The following ZFYVE27 variants were observed in gnomAD, a reference collection of about 807,000 sequenced individuals.
The protein encoded by ZFYVE27 is zinc finger FYVE-type containing 27, also known as protrudin.
A neutral mutation model predicts 52.8 loss-of-function variants in ZFYVE27; 36 were observed. That is an observed-to-expected ratio of 0.68 (90% CI 0.52 to 0.90). ZFYVE27 has a LOEUF of 0.90. ZFYVE27 is among the 40% of genes least tolerant of loss of function. The pLI is 0.00. For synonymous variants in ZFYVE27, 223 were observed against 215.6 expected, an observed-to-expected ratio of 1.03 and a Z score of -0.30; for missense variants, 450 against 527.2, an observed-to-expected ratio of 0.85 and a Z score of 1.43.
At chr10:97,748,799 T>C (rs1010796949) in intron 5 of ZFYVE27, among the ~76,000 whole-genome samples, 23 of 152,358 alleles carry the variant, frequency 1.5e-4, no homozygotes, top group Middle Eastern at 3.4e-3. Context: ...AGATGGCAAA[T>C]ATAATTTGTG....
At position 97,759,445 on chromosome 10, in the gene ZFYVE27, TC is replaced by T; in HGVS notation, c.*147del. 1.2e-6 allele frequency: 1 copy of T among 817,770 alleles called. No individual in the cohort carries two copies. Among genetic ancestry groups the T allele is most frequent in the African/African-American group, 1.7e-5 (1 of 59,202 alleles). The allele number at this position is 817,770 out of a possible 1,614,324, so 50.7% of individuals were successfully genotyped here. The stretch of plus-strand genomic sequence containing the variant: ...GGCTTCCCCTTCCTTCCTCACTCTC[TC>T]CAGCTGGATTCTGGAGCTGTTCTCC... On this transcript the variant is annotated 3_prime_UTR_variant, in exon 13 of 13. Coordinates refer to ENST00000684270, the MANE Select transcript of ZFYVE27 (RefSeq NM_001385875.1).
intron 12 of ZFYVE27, chr10:97,758,077 C>T: frequency 5.5e-6 from 1 of 182,758 alleles, no homozygotes; most frequent in Admixed American, 5.8e-5. Context: ...ATTTCCTTGG[C>T]ACTTTGAACA....
chr10:97,756,949 A>T (rs552677122), intron 10 of ZFYVE27, among the ~76,000 whole-genome samples: 29 of 152,294 alleles, frequency 1.9e-4, no homozygotes, highest in African/African-American at 7.0e-4. Flanking sequence ...CTGCCAGCTT[A>T]GCTGGCTTTC....
chr10:97,757,036 A>G (rs937778387), intron 10 of ZFYVE27, among the ~76,000 whole-genome samples: 1 of 152,190 alleles, frequency 6.6e-6, no homozygotes, highest in Non-Finnish European at 1.5e-5. Context: ...GGAAGGGTTC[A>G]GGGACTGGTA....
chr10:97,746,656 TTTC>T (rs1386879873), intron 4 of ZFYVE27, among the ~76,000 whole-genome samples: 4 of 152,012 alleles, frequency 2.6e-5, no homozygotes, highest in Admixed American at 1.3e-4. Context: ...TAAAGTTCTT[TTTC>T]TTCTTTTATT....
At chr10:97,742,586 C>T (rs1260734600) in intron 2 of ZFYVE27, among the ~76,000 whole-genome samples, 2 of 152,152 alleles carry the variant, frequency 1.3e-5, no homozygotes, top group African/African-American at 4.8e-5. Flanking sequence ...AATAAACTCT[C>T]AGATAAACTC....
At chr10:97,750,072 T>C in intron 6 of ZFYVE27, 1 of 513,866 alleles carries the variant, frequency 1.9e-6, no homozygotes, top group Non-Finnish European at 3.5e-6. Flanking sequence ...TTCCTCCCTG[T>C]GGTAGAGTTA....
chr10:97,752,951 G>T (rs888607817), intron 9 of ZFYVE27, 74 bp downstream of exon 9: 7 of 1,612,786 alleles, frequency 4.3e-6, no homozygotes, highest in African/African-American at 2.7e-5. Flanking sequence ...GCCACACCTC[G>T]TGGGGGCTGC....
chr10:97,738,724 G>T (rs751057983), intron 2 of ZFYVE27, 50 bp downstream of exon 2: 2 of 1,603,722 alleles, frequency 1.2e-6, no homozygotes, highest in Non-Finnish European at 8.5e-7. Flanking sequence ...CTGCCGTCCT[G>T]CTCTGTAGTA....
chr10:97,756,986 T>C (rs1338768305), intron 10 of ZFYVE27, among the ~76,000 whole-genome samples: 1 of 152,188 alleles, frequency 6.6e-6, no homozygotes, highest in Non-Finnish European at 1.5e-5. Flanking sequence ...TGGGTGCTCT[T>C]TGATTTCTGT....
At chr10:97,739,529 G>T (rs547944282) in intron 2 of ZFYVE27, among the ~76,000 whole-genome samples, 1 of 152,030 alleles carries the variant, frequency 6.6e-6, no homozygotes, top group Admixed American at 6.5e-5. Context: ...AAATATGTCA[G>T]TTTTTATCTC....
chr10:97,737,490 C>T (rs1181988559), intron 1 of ZFYVE27, among the ~76,000 whole-genome samples, 169 bp downstream of exon 1: 3 of 152,268 alleles, frequency 2.0e-5, no homozygotes, highest in Non-Finnish European at 2.9e-5. Flanking sequence ...GAGGTGTTGG[C>T]CAAGGCCAGT....
At chr10:97,750,656 T>TA (rs936052690) in intron 7 of ZFYVE27, among the ~76,000 whole-genome samples, 186 bp downstream of exon 7, 6 of 152,210 alleles carry the variant, frequency 3.9e-5, no homozygotes, top group African/African-American at 7.2e-5. Context: ...ACTGAGTGCT[T>TA]ACCCTGTGTC....
intron 8 of ZFYVE27, among the ~76,000 whole-genome samples, chr10:97,751,823 G>A (rs539718101): frequency 5.3e-5 from 8 of 152,278 alleles, no homozygotes; most frequent in Admixed American, 1.3e-4. Flanking sequence ...AGTGAGTTCC[G>A]TAAGATGTCC....
chr10:97,741,992 G>T (rs1590002373), intron 2 of ZFYVE27, among the ~76,000 whole-genome samples: 1 of 152,176 alleles, frequency 6.6e-6, no homozygotes, highest in African/African-American at 2.4e-5. Context: ...AACTGGCCAG[G>T]TGTGGTGGCG....
intron 1 of ZFYVE27, among the ~76,000 whole-genome samples, chr10:97,737,579 C>T (rs2042431927): frequency 6.6e-6 from 1 of 152,248 alleles, no homozygotes; most frequent in Admixed American, 6.5e-5. Flanking sequence ...GCTCGGCCTG[C>T]GGGGATTTCG....
Position 97,739,086 on chromosome 10 carries a change from A to G in ZFYVE27, c.197+412A>G, listed in dbSNP as rs2042876401. On this transcript the variant is annotated intron_variant, in intron 2 of 12. Transcript: ENST00000684270. ...AATACAAAAACCTGTGAATAAGCAG[A>G]TACCATTTTCACTACTTTTTTTTTT... is the stretch of plus-strand genomic sequence containing the variant. Among the ~76,000 whole-genome samples the G allele has an allele frequency of 2.2e-5, 3 of 135,730 alleles. No homozygotes were observed. In the South Asian group the frequency reaches 7.5e-4, roughly 34 times the overall value. 89.0% of individuals were successfully genotyped at this position (135,730 alleles called of 152,430 possible).
intron 2 of ZFYVE27, among the ~76,000 whole-genome samples, chr10:97,739,942 G>T (rs2043178000): frequency 6.6e-6 from 1 of 151,364 alleles, no homozygotes; most frequent in South Asian, 2.1e-4. Context: ...ATTGCATCAG[G>T]AGTCACACAA....
chr10:97,758,091 C>T (rs7080894), intron 12 of ZFYVE27: 98,912 of 167,714 alleles, frequency 0.59, 30,115 homozygotes, highest in Non-Finnish European at 0.67. Flanking sequence ...TTGAACAAAA[C>T]TAAAAATTCC....
Sources: gnomAD v4.1 joint callset for allele counts (sites outside exome capture counted in the v4.1 genomes callset) on GRCh38, gnomAD v4.1.1 for gene constraint, MANE v1.5 for transcripts, NCBI Gene and HGNC (gene_info 2026-07-23, HGNC 2026-07-21) for gene names.